The following NOS1AP variants were observed in gnomAD, a reference collection of about 807,000 sequenced individuals.
The protein encoded by NOS1AP is nitric oxide synthase 1 adaptor protein.
NOS1AP carries 21 observed loss-of-function variants against 56.2 expected under a neutral mutation model. The observed-to-expected ratio is 0.37, with a 90% CI of 0.26 to 0.54. NOS1AP has a LOEUF of 0.54. Ranked by LOEUF, NOS1AP falls within the 20% of genes least tolerant of loss-of-function variation. NOS1AP has a pLI of 0.84. For missense variants in NOS1AP, 522 were observed against 657.8 expected, an observed-to-expected ratio of 0.79 and a Z score of 2.26; for synonymous variants, 270 against 274.6, an observed-to-expected ratio of 0.98 and a Z score of 0.17.
chr1:162,078,549 C>T (rs924908433), intron 1 of NOS1AP, among the ~76,000 whole-genome samples: 2 of 152,090 alleles, frequency 1.3e-5, no homozygotes, highest in Non-Finnish European at 2.9e-5. Flanking sequence ...ATGCTCCACC[C>T]CCTCCCCTGT....
At chr1:162,130,133 C>T (rs1270044197) in intron 1 of NOS1AP, among the ~76,000 whole-genome samples, 1 of 152,188 alleles carries the variant, frequency 6.6e-6, no homozygotes, top group Non-Finnish European at 1.5e-5. Context: ...GCATTACAGA[C>T]ATTGTATATA....
intron 2 of NOS1AP, among the ~76,000 whole-genome samples, chr1:162,265,278 G>C (rs1351675122): frequency 6.7e-6 from 1 of 149,884 alleles, no homozygotes; most frequent in Non-Finnish European, 1.5e-5. Flanking sequence ...TGCACAATGT[G>C]CAGGTTAGTT....
chr1:162,089,026 T>C lies in NOS1AP; in HGVS notation c.105+18744T>C, dbSNP rs568433561. ...TTTTGTGTCTCAGACCTGGAATCAA[T>C]CATTTCTCCAGGAAGACCTGGTATC... On this transcript the variant is annotated intron_variant, in intron 1 of 9. Coordinates refer to ENST00000361897, the MANE Select transcript of NOS1AP (RefSeq NM_014697.3). 2.6e-5 allele frequency among the ~76,000 whole-genome samples: 4 copies of C among 152,310 alleles called. No homozygotes were observed. In the East Asian group the frequency reaches 7.7e-4, roughly 29 times the overall value.
chr1:162,324,839 T>C (rs1373059403), intron 4 of NOS1AP, among the ~76,000 whole-genome samples: 2 of 152,214 alleles, frequency 1.3e-5, no homozygotes, highest in Non-Finnish European at 2.9e-5. Context: ...AGTGATGAGC[T>C]TGACTGTCTC....
chr1:162,215,889 T>G (rs1370578894), intron 2 of NOS1AP, among the ~76,000 whole-genome samples: 4 of 152,206 alleles, frequency 2.6e-5, no homozygotes, highest in African/African-American at 9.7e-5. Flanking sequence ...GCTTCTTTTG[T>G]TAGCATTTTG....
intron 1 of NOS1AP, among the ~76,000 whole-genome samples, chr1:162,149,842 T>C (rs1649637473): frequency 6.6e-6 from 1 of 152,246 alleles, no homozygotes; most frequent in Non-Finnish European, 1.5e-5. Flanking sequence ...TTATTTTCAA[T>C]TTTTGTGGGT....
intron 2 of NOS1AP, among the ~76,000 whole-genome samples, chr1:162,243,990 G>A (rs1406430660): frequency 1.3e-5 from 2 of 152,178 alleles, no homozygotes; most frequent in East Asian, 1.9e-4. Flanking sequence ...TCCTATCAGA[G>A]CTCCGTCTGG....
chr1:162,179,666 C>G (rs1342266565), intron 2 of NOS1AP, among the ~76,000 whole-genome samples: 2 of 152,162 alleles, frequency 1.3e-5, no homozygotes, highest in African/African-American at 4.8e-5. Flanking sequence ...TCCTTGAACT[C>G]AGATCCAGAA....
chr1:162,106,038 GGCTGAGCCACTCCCTGAGTGGC>G (rs575934226), intron 1 of NOS1AP, among the ~76,000 whole-genome samples: 4 of 152,274 alleles, frequency 2.6e-5, no homozygotes, highest in African/African-American at 9.6e-5. Context: ...CTCTGTGTGT[GGCTGAGCCACTCCCTGAGTGGC>G]TGCTCTGCTG....
intron 2 of NOS1AP, among the ~76,000 whole-genome samples, chr1:162,250,454 C>G (rs139215465): frequency 6.6e-6 from 1 of 152,174 alleles, no homozygotes; most frequent in Non-Finnish European, 1.5e-5. Context: ...CAGAAGCAGG[C>G]GAATCCATTT....
chr1:162,187,860 G>A (rs1651492768), intron 2 of NOS1AP, among the ~76,000 whole-genome samples: 1 of 152,176 alleles, frequency 6.6e-6, no homozygotes, highest in Non-Finnish European at 1.5e-5. Flanking sequence ...ATGATGCCAT[G>A]TGATGTGCTG....
intron 6 of NOS1AP, among the ~76,000 whole-genome samples, chr1:162,351,008 T>C (rs1657475398): frequency 1.3e-5 from 2 of 152,236 alleles, no homozygotes; most frequent in Admixed American, 6.5e-5. Flanking sequence ...TACACAAATG[T>C]TGTTTCATGC....
At chr1:162,312,900 T>C (rs998849800) in intron 4 of NOS1AP, among the ~76,000 whole-genome samples, 3 of 151,638 alleles carry the variant, frequency 2.0e-5, no homozygotes, top group Non-Finnish European at 4.4e-5. Context: ...TCTCAATAGA[T>C]GCAGAAAAAG....
chr1:162,282,117 C>A (rs562266022), intron 2 of NOS1AP, among the ~76,000 whole-genome samples: 2 of 152,190 alleles, frequency 1.3e-5, no homozygotes, highest in Admixed American at 6.5e-5. Flanking sequence ...ATAAAAATAC[C>A]ATTTTAACCC....
At chr1:162,210,842 C>T (rs1652327053) in intron 2 of NOS1AP, among the ~76,000 whole-genome samples, 1 of 152,236 alleles carries the variant, frequency 6.6e-6, no homozygotes, top group Non-Finnish European at 1.5e-5. Context: ...TTCTTCATCT[C>T]TGCTATTGCA....
At chr1:162,072,047 G>A (rs1691670257) in intron 1 of NOS1AP, among the ~76,000 whole-genome samples, 1 of 148,530 alleles carries the variant, frequency 6.7e-6, no homozygotes, top group Non-Finnish European at 1.5e-5. Flanking sequence ...GTGACAGAAT[G>A]AGACCCTGTC....
At chr1:162,106,478 G>T (rs1481647008) in intron 1 of NOS1AP, among the ~76,000 whole-genome samples, 1 of 152,036 alleles carries the variant, frequency 6.6e-6, no homozygotes, top group Non-Finnish European at 1.5e-5. Flanking sequence ...GGTATTCTTT[G>T]CTTGTATTTT....
intron 2 of NOS1AP, among the ~76,000 whole-genome samples, chr1:162,173,299 A>G (rs1650893670): frequency 6.6e-6 from 1 of 151,672 alleles, no homozygotes; most frequent in South Asian, 2.1e-4. Context: ...GCTGTCCTCC[A>G]CTCTCCTCCA....
intron 1 of NOS1AP, among the ~76,000 whole-genome samples, chr1:162,074,868 A>C (rs576638500): frequency 6.6e-6 from 1 of 152,120 alleles, no homozygotes; most frequent in Admixed American, 6.5e-5. Flanking sequence ...GGATTTCCTC[A>C]CAGCATGGTG....
Sources: gnomAD v4.1 joint callset for allele counts (sites outside exome capture counted in the v4.1 genomes callset) on GRCh38, gnomAD v4.1.1 for gene constraint, MANE v1.5 for transcripts, NCBI Gene and HGNC (gene_info 2026-07-23, HGNC 2026-07-21) for gene names.